The following SCGB2B2 variants were observed in gnomAD, a reference collection of about 807,000 sequenced individuals.
SCGB2B2 encodes secretoglobin-like protein.
In SCGB2B2, 11 loss-of-function variants were observed where a neutral mutation model predicts 7.6. That is an observed-to-expected ratio of 1.45 (90% CI 0.91 to 2.40). The LOEUF (loss-of-function observed/expected upper bound fraction) is 2.40. SCGB2B2 is among the 30% of genes most tolerant of loss of function. The probability of loss-of-function intolerance (pLI) is 0.00; values close to 1 mark genes in which losing one functional copy is unlikely to be tolerated. For missense variants in SCGB2B2, 104 were observed against 115.4 expected, an observed-to-expected ratio of 0.90 and a Z score of 0.45; for synonymous variants, 50 against 48.6, an observed-to-expected ratio of 1.03 and a Z score of -0.12.
intron 1 of SCGB2B2, among the ~76,000 whole-genome samples, chr19:34,637,007 G>A (rs2066700087): frequency 2.0e-5 from 3 of 152,070 alleles, no homozygotes; most frequent in Admixed American, 1.3e-4. Flanking sequence ...CAGACCCCAG[G>A]AAAGAAAACT....
rs1266422683 is a variant in SCGB2B2 at position 34,676,532 on chromosome 19, C to T, written c.-2934G>A. 1 of 152,124 alleles carries T rather than the reference C, an allele frequency of 6.6e-6. No homozygotes were observed. Among genetic ancestry groups the T allele is most frequent in the East Asian group, 1.9e-4 (1 of 5,178 alleles). 9.4% of individuals were successfully genotyped at this position (152,124 alleles called of 1,614,324 possible). A position where few individuals can be genotyped will look rare whatever the true frequency, so the allele number is the denominator to read the frequency against. On this transcript the variant is annotated 5_prime_UTR_variant, in exon 1 of 4. Transcript: ENST00000601241. ...ATACAAGTATCCCTAGTCCAGCAGC[C>T]CAAGCTGCTGCTCTAACAATGGAGT...
Position 34,593,255 on chromosome 19 carries a change from G to GA in SCGB2B2, c.*299_*300insT. On this transcript the variant is annotated 3_prime_UTR_variant, in exon 4 of 4. Coordinates refer to ENST00000601241, the MANE Select transcript of SCGB2B2 (RefSeq NM_001025591.4). Reference sequence around the variant, plus strand: ...GAATCGCTTGAACCCAGAAGGTGGAGGCTGCAGTGAGCCAAGATCGCGCCA... The same window carrying GA: ...GAATCGCTTGAACCCAGAAGGTGGAGAGCTGCAGTGAGCCAAGATCGCGCCA... 3 of 312,864 alleles carry GA rather than the reference G, an allele frequency of 9.6e-6. No homozygotes were observed. The highest frequency in any genetic ancestry group is 7.4e-5 in the South Asian group (1 of 13,488). The allele number at this position is 312,864 out of a possible 1,614,324, so 19.4% of individuals were successfully genotyped here.
intron 1 of SCGB2B2, among the ~76,000 whole-genome samples, chr19:34,603,025 T>C (rs542544785): frequency 1.4e-4 from 22 of 152,292 alleles, no homozygotes; most frequent in Non-Finnish European, 2.1e-4. Flanking sequence ...TGCATGGGAT[T>C]TTCTTTGCAA....
intron 1 of SCGB2B2, among the ~76,000 whole-genome samples, chr19:34,663,844 G>C (rs1380519036): frequency 6.6e-6 from 1 of 152,078 alleles, no homozygotes; most frequent in East Asian, 1.9e-4. Context: ...AAGAGAGAAA[G>C]AACAGGGCAG....
At chr19:34,647,688 C>T (rs542687555) in intron 1 of SCGB2B2, among the ~76,000 whole-genome samples, 21 of 152,280 alleles carry the variant, frequency 1.4e-4, no homozygotes, top group Non-Finnish European at 2.9e-4. Flanking sequence ...GAGCCGGACA[C>T]CCCATGAAGA....
intron 1 of SCGB2B2, among the ~76,000 whole-genome samples, chr19:34,598,858 A>T (rs1334277937): frequency 6.6e-6 from 1 of 152,228 alleles, no homozygotes; most frequent in East Asian, 1.9e-4. Flanking sequence ...CCAGTGGTGT[A>T]GATGGGACTC....
At position 34,594,612 on chromosome 19, in the gene SCGB2B2, G is replaced by A. The variant is rs781678502; in HGVS notation, c.-49C>T. ...GGCACAGGCAGGGAATTTGGCGATG[G>A]GTGAGCTTTATGTATATCTGAACAA... On this transcript the variant is annotated 5_prime_UTR_variant, in exon 2 of 4. Coordinates refer to ENST00000601241, the MANE Select transcript of SCGB2B2 (RefSeq NM_001025591.4). The A allele has an allele frequency of 6.0e-6, 9 of 1,494,360 alleles. No individual in the cohort carries two copies. The South Asian group carries it at 6.8e-5, about 11-fold the overall frequency. The allele number at this position is 1,494,360 out of a possible 1,614,324, so 92.6% of individuals were successfully genotyped here. A position where few individuals can be genotyped will look rare whatever the true frequency, so the allele number is the denominator to read the frequency against.
downstream of SCGB2B2, among the ~76,000 whole-genome samples, chr19:34,590,606 C>A (rs959927476): frequency 6.6e-6 from 1 of 152,170 alleles, no homozygotes; most frequent in Non-Finnish European, 1.5e-5. Flanking sequence ...CCATATAGTG[C>A]TAGGTTAATA....
At position 34,627,617 on chromosome 19, in the gene SCGB2B2, C is replaced by T. The variant is rs569487556; in HGVS notation, c.-2031-31023G>A. On this transcript the variant is annotated intron_variant, in intron 1 of 3. Coordinates refer to ENST00000601241, the MANE Select transcript of SCGB2B2 (RefSeq NM_001025591.4). ...TACAGGAGCACCCAGATTCATAAAG[C>T]AAGTCCTTAGACACCTACAAAGAGA... Among the ~76,000 whole-genome samples, 6 of 152,312 alleles carry T rather than the reference C, an allele frequency of 3.9e-5. 1 individual carries two copies. In the South Asian group the frequency reaches 1.2e-3, roughly 32 times the overall value.
At chr19:34,646,004 C>T in intron 1 of SCGB2B2, 1 of 322,598 alleles carries the variant, frequency 3.1e-6, no homozygotes, top group South Asian at 3.0e-5. Context: ...AGTCCTTCCT[C>T]AAGTTCTAGC....
chr19:34,609,452 T>C lies in SCGB2B2; in HGVS notation c.-2031-12858A>G, dbSNP rs183672419. 3.3e-5 allele frequency among the ~76,000 whole-genome samples: 5 copies of C among 152,220 alleles called. No homozygotes were observed. In the East Asian group the frequency reaches 9.6e-4, roughly 29 times the overall value. The stretch of plus-strand genomic sequence containing the variant: ...TTTCTTCTAGTAGTTTCATAGTTTC[T>C]GCTCTAAGTCTTTAAGCTATTTTAA... On this transcript the variant is annotated intron_variant, in intron 1 of 3. Coordinates refer to ENST00000601241, the MANE Select transcript of SCGB2B2 (RefSeq NM_001025591.4).
At chr19:34,610,003 G>A (rs1202926252) in intron 1 of SCGB2B2, among the ~76,000 whole-genome samples, 1 of 151,976 alleles carries the variant, frequency 6.6e-6, no homozygotes, top group East Asian at 1.9e-4. Context: ...TGTCATCAAT[G>A]TTTTATAGCT....
intron 1 of SCGB2B2, among the ~76,000 whole-genome samples, chr19:34,609,954 A>G (rs1452690101): frequency 2.6e-5 from 4 of 152,248 alleles, no homozygotes; most frequent in Admixed American, 2.6e-4. Flanking sequence ...AATCATGAAC[A>G]TGAGACATCT....
chr19:34,631,661 T>C (rs1003030425), intron 1 of SCGB2B2, among the ~76,000 whole-genome samples: 1 of 152,130 alleles, frequency 6.6e-6, no homozygotes. Context: ...GTTACAACAC[T>C]CAATATTGTT....
At chr19:34,644,743 A>G (rs1289079860) in intron 1 of SCGB2B2, among the ~76,000 whole-genome samples, 1 of 152,222 alleles carries the variant, frequency 6.6e-6, no homozygotes, top group Non-Finnish European at 1.5e-5. Context: ...AAATTATATT[A>G]ATATATCACA....
intron 1 of SCGB2B2, among the ~76,000 whole-genome samples, chr19:34,616,175 A>G (rs976569266): frequency 6.7e-6 from 1 of 149,316 alleles, no homozygotes; most frequent in African/African-American, 2.5e-5. Context: ...TTATAGCAGC[A>G]TAATTTATAG....
At chr19:34,645,669 T>C (rs1156844349) in intron 1 of SCGB2B2, 2 of 405,486 alleles carry the variant, frequency 4.9e-6, no homozygotes, top group Non-Finnish European at 1.0e-5. Context: ...GTCATGAGGA[T>C]GACACCCACC....
intron 1 of SCGB2B2, among the ~76,000 whole-genome samples, chr19:34,622,665 A>G (rs1240428006): frequency 1.3e-5 from 2 of 152,174 alleles, no homozygotes; most frequent in East Asian, 3.9e-4. Context: ...TGTCTTCCTG[A>G]GACTTTCTCA....
At chr19:34,585,887 A>G (rs973290853), downstream of SCGB2B2, among the ~76,000 whole-genome samples, 1 of 152,246 alleles carries the variant, frequency 6.6e-6, no homozygotes, top group Admixed American at 6.5e-5. Flanking sequence ...GGGAAGTTGC[A>G]TATCTGTGAA....
Sources: allele counts gnomAD v4.1 joint callset (sites outside exome capture counted in the v4.1 genomes callset), GRCh38; gene constraint gnomAD v4.1.1; transcripts MANE v1.5; gene names NCBI Gene and HGNC (gene_info 2026-07-23, HGNC 2026-07-21).